Variants in GLI2 observed in about 807,000 individuals in gnomAD.
GLI2 encodes the protein GLI family zinc finger 2.
A neutral mutation model predicts 78.9 loss-of-function variants in GLI2; 22 were observed. That is an observed-to-expected ratio of 0.28 (90% CI 0.20 to 0.40). GLI2 has a LOEUF of 0.40. GLI2 is among the 10% of genes least tolerant of loss of function. The pLI, the probability that GLI2 is intolerant of heterozygous loss-of-function variation, is 1.00. For missense variants in GLI2, 2,097 were observed against 2,213.2 expected (o/e 0.95, Z 1.05); for synonymous variants, 974 against 963.7 (o/e 1.01, Z -0.20).
chr2:120,742,505 A>C (rs1682578860), intron 1 of GLI2, among the ~76,000 whole-genome samples: 1 of 152,010 alleles, frequency 6.6e-6, no homozygotes, highest in Non-Finnish European at 1.5e-5. Context: ...AATGGTAATG[A>C]TTTTCCAGCG....
rs759754641 is a variant in GLI2, at chr2:120,990,561, C to T, written c.4596C>T (p.Asn1532=). 1 of 1,614,120 alleles carries T rather than the reference C, an allele frequency of 6.2e-7. No homozygotes were observed. The highest frequency in any genetic ancestry group is 1.1e-5 in the South Asian group (1 of 91,072). The change falls in exon 14 of 14, where the codon AAC becomes AAT. Residue 1532 remains asparagine, a synonymous_variant. Coordinates refer to ENST00000361492, the MANE Select transcript of GLI2 (RefSeq NM_001374353.1). ...QNSSRLTTPR[N]SLTLPSIPAG... is the part of the protein sequence containing the mutation. ...CCTCCCGCCTCACCACCCCCCGAAACTCCTTGACCCTGCCCTCCATCCCCG... is the reference window on the plus strand; with the variant it reads ...CCTCCCGCCTCACCACCCCCCGAAATTCCTTGACCCTGCCCTCCATCCCCG...
intron 1 of GLI2, among the ~76,000 whole-genome samples, chr2:120,741,733 G>C (rs1029007232): frequency 1.3e-5 from 2 of 152,054 alleles, no homozygotes; most frequent in Non-Finnish European, 2.9e-5. Flanking sequence ...GCGGCCGGGG[G>C]ACATTCCGTG....
Position 120,927,231 on chromosome 2 carries a change from G to C in GLI2, c.149-130G>C, listed in dbSNP as rs576059944. On this transcript the variant is annotated intron_variant, in intron 2 of 13. Coordinates refer to ENST00000361492, the MANE Select transcript of GLI2 (RefSeq NM_001374353.1). ...CCCCTTCGTGGGTGTGTGATCGCGC[G>C]GGCACTGCGGAGCCCCTTGTCCTGG... 7 of 771,580 alleles carry C rather than the reference G, an allele frequency of 9.1e-6. No individual in the cohort carries two copies. In the African/African-American group the frequency reaches 1.2e-4, roughly 13 times the overall value. The allele number at this position is 771,580 out of a possible 1,614,324, so 47.8% of individuals were successfully genotyped here.
chr2:120,827,094 C>A (rs536828351), intron 2 of GLI2, among the ~76,000 whole-genome samples: 47 of 152,332 alleles, frequency 3.1e-4, no homozygotes, highest in African/African-American at 1.0e-3. Context: ...GGTTTGTTGA[C>A]TAAATCCGTG....
intron 2 of GLI2, among the ~76,000 whole-genome samples, chr2:120,808,969 G>C (rs1685095673): frequency 6.6e-6 from 1 of 152,136 alleles, no homozygotes. Context: ...GGGTTTTCTA[G>C]CTCCAGGTCA....
intron 5 of GLI2, among the ~76,000 whole-genome samples, chr2:120,964,107 G>A (rs1681720472): frequency 6.6e-6 from 1 of 152,172 alleles, no homozygotes; most frequent in Non-Finnish European, 1.5e-5. Flanking sequence ...ACCACACAGT[G>A]GATGAAAGCT....
chr2:120,831,975 C>T (rs989030351), intron 2 of GLI2, among the ~76,000 whole-genome samples: 4 of 152,220 alleles, frequency 2.6e-5, no homozygotes, highest in South Asian at 2.1e-4. Flanking sequence ...GCCCACCCAT[C>T]GCTTCCCATA....
chr2:120,821,497 G>A (rs1252659439), intron 2 of GLI2, among the ~76,000 whole-genome samples: 1 of 152,124 alleles, frequency 6.6e-6, no homozygotes, highest in Non-Finnish European at 1.5e-5. Context: ...CAAATCCTCG[G>A]ATGGGCTTGT....
chr2:120,850,018 G>C (rs1310651656), intron 2 of GLI2, among the ~76,000 whole-genome samples: 1 of 152,184 alleles, frequency 6.6e-6, no homozygotes, highest in Non-Finnish European at 1.5e-5. Context: ...GCAAAGACTG[G>C]AACATCTGAA....
chr2:120,770,919 C>G (rs141990802), intron 1 of GLI2, among the ~76,000 whole-genome samples: 1 of 152,356 alleles, frequency 6.6e-6, no homozygotes, highest in East Asian at 1.9e-4. Flanking sequence ...TAGACTCCCA[C>G]CTGCCGAGCC....
intron 1 of GLI2, among the ~76,000 whole-genome samples, chr2:120,742,409 C>T (rs1256391132): frequency 6.6e-6 from 1 of 152,106 alleles, no homozygotes; most frequent in African/African-American, 2.4e-5. Context: ...ACTTTTGAGC[C>T]ACATTTATAA....
intron 1 of GLI2, among the ~76,000 whole-genome samples, chr2:120,779,600 T>G (rs997145157): frequency 6.6e-6 from 1 of 152,244 alleles, no homozygotes; most frequent in Non-Finnish European, 1.5e-5. Flanking sequence ...GGATTTAGAC[T>G]CTTGTGGTTC....
At chr2:120,875,833 T>C (rs1468731741) in intron 2 of GLI2, among the ~76,000 whole-genome samples, 1 of 152,046 alleles carries the variant, frequency 6.6e-6, no homozygotes, top group Non-Finnish European at 1.5e-5. Flanking sequence ...GCCTACCAGA[T>C]GCTAAACCAT....
chr2:120,851,866 C>G (rs1162258573), intron 2 of GLI2, among the ~76,000 whole-genome samples: 3 of 152,238 alleles, frequency 2.0e-5, no homozygotes, highest in African/African-American at 7.2e-5. Flanking sequence ...AGATGCCCCC[C>G]ACTGGGTACT....
intron 2 of GLI2, among the ~76,000 whole-genome samples, chr2:120,818,648 G>A (rs1685619951): frequency 6.6e-6 from 1 of 152,152 alleles, no homozygotes; most frequent in Non-Finnish European, 1.5e-5. Context: ...GAGTGAGTCT[G>A]GGCCCCAGGC....
intron 2 of GLI2, among the ~76,000 whole-genome samples, chr2:120,842,769 A>G (rs1325699194): frequency 6.6e-6 from 1 of 152,254 alleles, no homozygotes; most frequent in Non-Finnish European, 1.5e-5. Flanking sequence ...TTTCTGAATG[A>G]GTGAATGAAA....
At chr2:120,908,015 G>A (rs950656471) in intron 2 of GLI2, among the ~76,000 whole-genome samples, 1 of 152,218 alleles carries the variant, frequency 6.6e-6, no homozygotes, top group Non-Finnish European at 1.5e-5. Flanking sequence ...CCAGCAGGGG[G>A]CTAGACTGTC....
intron 1 of GLI2, among the ~76,000 whole-genome samples, chr2:120,748,996 G>C (rs528934033): frequency 6.6e-6 from 1 of 151,950 alleles, no homozygotes; most frequent in Non-Finnish European, 1.5e-5. Context: ...TACATTCATT[G>C]ACTGCAAGGA....
In GLI2 at chr2:120,984,346, C is replaced by T. The variant is rs1191522383; in HGVS notation, c.1633-125C>T. The T allele has an allele frequency of 1.2e-5, 12 of 981,022 alleles. No homozygotes were observed. In the Admixed American group the frequency reaches 1.9e-4, roughly 15 times the overall value. The allele number at this position is 981,022 out of a possible 1,614,324, so 60.8% of individuals were successfully genotyped here. On this transcript the variant is annotated intron_variant, in intron 11 of 13. Transcript: ENST00000361492. ...CACTGGCTGCAAATTTGACACAGCACCTACTGACGTTGCCAGCTGGGCTCT... is the reference window on the plus strand; with the variant it reads ...CACTGGCTGCAAATTTGACACAGCATCTACTGACGTTGCCAGCTGGGCTCT...
Sources: allele counts gnomAD v4.1 joint callset (sites outside exome capture counted in the v4.1 genomes callset), GRCh38; gene constraint gnomAD v4.1.1; transcripts MANE v1.5; gene names NCBI Gene and HGNC (gene_info 2026-07-23, HGNC 2026-07-21).